PTPN11: variants seen among roughly 807,000 people sequenced by gnomAD.
PTPN11 encodes tyrosine-protein phosphatase non-receptor type 11.
PTPN11 carries 6 observed loss-of-function variants against 78.8 expected under a neutral mutation model. That is an observed-to-expected ratio of 0.08 (90% CI 0.04 to 0.15). PTPN11 has a LOEUF of 0.15. Ranked by LOEUF, PTPN11 falls within the 10% of genes least tolerant of loss-of-function variation. The pLI is 1.00. For synonymous variants in PTPN11, 221 were observed against 263.5 expected (o/e 0.84, Z 1.56); for missense variants, 386 against 744.8 (o/e 0.52, Z 5.61).
Position 112,418,968 on chromosome 12 carries a change from T to C in PTPN11, c.-144T>C, listed in dbSNP as rs1466256880. ...GCACAGTCTCCGGGATCCCCAGGCC[T>C]GGAGGGGGGTCTGTGCGCGGCCGGC... On this transcript the variant is annotated 5_prime_UTR_variant, in exon 1 of 16. Transcript: ENST00000351677. The C allele has an allele frequency of 5.0e-6, 5 of 990,732 alleles. No homozygotes were observed. Among genetic ancestry groups the C allele is most frequent in the Non-Finnish European group, 7.5e-6 (5 of 663,614 alleles). 61.4% of individuals were successfully genotyped at this position (990,732 alleles called of 1,614,324 possible).
chr12:112,438,810 A>C (rs563456125), intron 1 of PTPN11, among the ~76,000 whole-genome samples: 1 of 152,154 alleles, frequency 6.6e-6, no homozygotes, highest in South Asian at 2.1e-4. Context: ...TTTTTTGTAG[A>C]GATGGGATCT....
At chr12:112,451,592 C>T (rs954463200) in intron 3 of PTPN11, among the ~76,000 whole-genome samples, 3 of 152,168 alleles carry the variant, frequency 2.0e-5, no homozygotes, top group Non-Finnish European at 4.4e-5. Flanking sequence ...TTCAGACTTA[C>T]ATGTATTGAT....
chr12:112,456,078 A>T lies in PTPN11; in HGVS notation c.756+15A>T, dbSNP rs762409831. 1 of 1,534,756 alleles carries T rather than the reference A, an allele frequency of 6.5e-7. No homozygotes were observed. Among genetic ancestry groups the T allele is most frequent in the East Asian group, 2.2e-5 (1 of 44,510 alleles). ...AAGAATTTGAGGTAAGTTATTAAAA[A>T]ACTGTTTTTACGTGAGTTGTTATAT... On this transcript the variant is annotated intron_variant, in intron 6 of 15. Transcript: ENST00000351677.
intron 1 of PTPN11, among the ~76,000 whole-genome samples, chr12:112,427,438 C>T (rs986459983): frequency 1.5e-4 from 21 of 144,014 alleles, no homozygotes; most frequent in African/African-American, 3.6e-4. Flanking sequence ...CCCAGCTACT[C>T]GGGAGGCTGA....
chr12:112,492,344 C>T (rs2038756411), intron 13 of PTPN11, among the ~76,000 whole-genome samples: 1 of 152,024 alleles, frequency 6.6e-6, no homozygotes, highest in African/African-American at 2.4e-5. Context: ...GCTGGGACTA[C>T]AGGCGTAGCA....
At chr12:112,446,583 C>T (rs1229407836) in intron 2 of PTPN11, among the ~76,000 whole-genome samples, 185 bp downstream of exon 2, 1 of 152,116 alleles carries the variant, frequency 6.6e-6, no homozygotes, top group Non-Finnish European at 1.5e-5. Context: ...GAGGGCCCTT[C>T]TTCTCCCTCT....
intron 6 of PTPN11, among the ~76,000 whole-genome samples, chr12:112,460,688 A>G (rs1260280571): frequency 6.6e-6 from 1 of 152,094 alleles, no homozygotes; most frequent in Non-Finnish European, 1.5e-5. Flanking sequence ...CTAAAAATAC[A>G]AAAATTAGCT....
chr12:112,499,540 A>G (rs917680759), intron 13 of PTPN11, among the ~76,000 whole-genome samples: 19 of 152,130 alleles, frequency 1.2e-4, no homozygotes, highest in African/African-American at 3.1e-4. Context: ...GGGTGTCACC[A>G]TGTTGGCCAG....
intron 13 of PTPN11, among the ~76,000 whole-genome samples, chr12:112,498,408 C>T (rs537965093): frequency 2.0e-4 from 31 of 152,328 alleles, no homozygotes; most frequent in Non-Finnish European, 2.9e-5. Context: ...ACCCAGAGTG[C>T]ACTGGACAAG....
intron 6 of PTPN11, among the ~76,000 whole-genome samples, chr12:112,459,908 T>TACACACAC (rs56846748): frequency 1.9e-4 from 28 of 146,984 alleles, no homozygotes; most frequent in Non-Finnish European, 2.9e-4. Flanking sequence ...TCCTGATTGC[T>TACACACAC]ACACACACAC....
At chr12:112,439,510 TC>T (rs1203218832) in intron 1 of PTPN11, among the ~76,000 whole-genome samples, 1 of 151,856 alleles carries the variant, frequency 6.6e-6, no homozygotes, top group Non-Finnish European at 1.5e-5. Context: ...GCTCTTTTGT[TC>T]AGGCTGGAGT....
intron 6 of PTPN11, among the ~76,000 whole-genome samples, chr12:112,465,111 C>T (rs748470414): frequency 1.3e-4 from 20 of 152,134 alleles, no homozygotes; most frequent in South Asian, 1.0e-3. Flanking sequence ...TGCATTGTGG[C>T]GAGGTGCATA....
intron 1 of PTPN11, among the ~76,000 whole-genome samples, chr12:112,419,336 C>A: frequency 6.6e-6 from 1 of 152,144 alleles, no homozygotes; most frequent in Non-Finnish European, 1.5e-5. Context: ...TCATTTCCTG[C>A]CTCCCCGAGT....
At chr12:112,491,769 A>G (rs2038747441) in intron 13 of PTPN11, among the ~76,000 whole-genome samples, 1 of 152,072 alleles carries the variant, frequency 6.6e-6, no homozygotes, top group African/African-American at 2.4e-5. Context: ...CAGTGGTGCA[A>G]TTATGGCTCA....
rs397507502 is a variant in PTPN11 at position 112,446,393 on chromosome 12, C to A, written c.132C>A (p.Ser44=). ...SKSNPGDFTL[S]VRRNGAVTHI... ...GTAACCCTGGAGACTTCACACTTTC[C>A]GTTAGGTAAGTTGGAATGAAAAGAG... The change falls in exon 2 of 16, where the codon TCC becomes TCA. Residue 44 remains serine, a synonymous_variant. Coordinates refer to ENST00000351677, the MANE Select transcript of PTPN11 (RefSeq NM_002834.5). The A allele has an allele frequency of 2.5e-6, 4 of 1,613,996 alleles. No homozygotes were observed. The highest frequency in any genetic ancestry group is 1.7e-5 in the Admixed American group (1 of 59,990).
chr12:112,477,435 T>C (rs929123651), intron 7 of PTPN11, among the ~76,000 whole-genome samples: 2 of 152,234 alleles, frequency 1.3e-5, no homozygotes, highest in African/African-American at 4.8e-5. Flanking sequence ...ATACCCATAG[T>C]ATATGATCAA....
intron 6 of PTPN11, among the ~76,000 whole-genome samples, chr12:112,461,764 C>T (rs910635789): frequency 6.6e-6 from 1 of 152,136 alleles, no homozygotes; most frequent in African/African-American, 2.4e-5. Context: ...CAGGCAAGAG[C>T]CAATGAGCCT....
At chr12:112,488,773 C>A (rs538940185) in intron 12 of PTPN11, among the ~76,000 whole-genome samples, 1 of 152,280 alleles carries the variant, frequency 6.6e-6, no homozygotes, top group South Asian at 2.1e-4. Context: ...AGCCACCTGA[C>A]CTTGTTTACA....
chr12:112,485,081 C>T (rs1292269194), intron 10 of PTPN11, among the ~76,000 whole-genome samples: 3 of 151,942 alleles, frequency 2.0e-5, no homozygotes, highest in South Asian at 2.1e-4. Context: ...GCCAACATGG[C>T]GAAACTCCTT....
Sources: allele counts gnomAD v4.1 joint callset (sites outside exome capture counted in the v4.1 genomes callset), GRCh38; gene constraint gnomAD v4.1.1; transcripts MANE v1.5; gene names NCBI Gene and HGNC (gene_info 2026-07-23, HGNC 2026-07-21).